Variants in KLHL1 observed in about 807,000 individuals in gnomAD.
KLHL1 encodes the protein kelch-like protein 1.
Under a neutral mutation model 77.7 loss-of-function variants are expected in KLHL1, and 47 were observed. The observed-to-expected ratio is 0.60, with a 90% CI of 0.48 to 0.77. The LOEUF (loss-of-function observed/expected upper bound fraction) is 0.77. Among genes scored for constraint, KLHL1 ranks in the 30% least tolerant of loss-of-function variants. The probability of loss-of-function intolerance (pLI) is 0.00; values close to 1 mark genes in which losing one functional copy is unlikely to be tolerated. For missense variants in KLHL1, 925 were observed against 910.8 expected, an observed-to-expected ratio of 1.02 and a Z score of -0.20; for synonymous variants, 360 against 325.2, an observed-to-expected ratio of 1.11 and a Z score of -1.15.
chr13:69,838,580 G>T (rs1879120417), intron 6 of KLHL1, among the ~76,000 whole-genome samples: 1 of 151,312 alleles, frequency 6.6e-6, no homozygotes, highest in African/African-American at 2.4e-5. Context: ...TATTTATCTG[G>T]CTTCTACATG....
intron 1 of KLHL1, among the ~76,000 whole-genome samples, chr13:70,099,806 G>T (rs868452073): frequency 6.6e-6 from 1 of 151,694 alleles, no homozygotes; most frequent in Admixed American, 6.6e-5. Flanking sequence ...GTTAAACTAA[G>T]GTTTAATTAA....
chr13:69,900,143 GT>G (rs1881804705), intron 4 of KLHL1, among the ~76,000 whole-genome samples: 1 of 152,110 alleles, frequency 6.6e-6, no homozygotes, highest in African/African-American at 2.4e-5. Flanking sequence ...CTGGATATGG[GT>G]TTGCCTCTAT....
At chr13:69,817,219 A>T (rs1057149186) in intron 6 of KLHL1, among the ~76,000 whole-genome samples, 2 of 152,128 alleles carry the variant, frequency 1.3e-5, no homozygotes, top group Non-Finnish European at 2.9e-5. Flanking sequence ...TAATATGTGA[A>T]TTTTTCTAGC....
intron 7 of KLHL1, among the ~76,000 whole-genome samples, chr13:69,771,652 T>A (rs1256073839): frequency 6.6e-6 from 1 of 152,218 alleles, no homozygotes; most frequent in Non-Finnish European, 1.5e-5. Flanking sequence ...ATATTCTTTT[T>A]TCCTTTACTG....
chr13:70,019,490 G>T (rs1829457088), intron 1 of KLHL1, among the ~76,000 whole-genome samples: 1 of 152,012 alleles, frequency 6.6e-6, no homozygotes, highest in African/African-American at 2.4e-5. Context: ...GCTAGTGGGA[G>T]GGCAGAGGCT....
chr13:69,917,058 C>T (rs187554575), intron 4 of KLHL1, among the ~76,000 whole-genome samples: 93 of 151,800 alleles, frequency 6.1e-4, no homozygotes, highest in African/African-American at 2.0e-3. Flanking sequence ...CACATGTGTA[C>T]GTGTAAGTGT....
chr13:69,998,916 C>T (rs1215735974), intron 1 of KLHL1, among the ~76,000 whole-genome samples: 2 of 151,894 alleles, frequency 1.3e-5, no homozygotes, highest in African/African-American at 4.8e-5. Context: ...TGGCTTTAAT[C>T]TGGGGGATGC....
chr13:69,882,336 T>C lies in KLHL1; in HGVS notation c.1174A>G (p.Asn392Asp). The stretch of plus-strand genomic sequence containing the variant: ...AAGGCAAGAAGCATGCTCAGGTCAT[T>C]GCATCTACTCTGCATGTCATACTTG... ...WVKYDMQSRC[N>D]DLSMLLAFIR... Residue 392 changes from asparagine to aspartate, a missense_variant, in exon 5 of 11, where the codon AAT (asparagine) becomes GAT (aspartate). Asn to Asp is a conservative substitution (Grantham distance 23). Transcript: ENST00000377844. The C allele has an allele frequency of 6.2e-7, 1 of 1,614,040 alleles. No individual in the cohort carries two copies. The highest frequency in any genetic ancestry group is 8.5e-7 in the Non-Finnish European group (1 of 1,179,932).
rs1159638914 is a variant in KLHL1 at position 69,956,006 on chromosome 13, TATATATATTTG to T, written c.817+5291_817+5301del. ...TTTATATATTTATTTGATATATATTTATATATATTTGATATATATTTATATATATTTATATA... is the reference window on the plus strand; with the variant it reads ...TTTATATATTTATTTGATATATATTTATATATATTTATATATATTTATATA... On this transcript the variant is annotated intron_variant, in intron 3 of 10. Transcript: ENST00000377844. 1.0e-4 allele frequency among the ~76,000 whole-genome samples: 12 copies of T among 117,214 alleles called. 1 individual carries two copies. Among genetic ancestry groups the T allele is most frequent in the Non-Finnish European group, 1.9e-5 (1 of 51,818 alleles). The allele number at this position is 117,214 out of a possible 152,430, so 76.9% of individuals were successfully genotyped here. A position where few individuals can be genotyped will look rare whatever the true frequency, so the allele number is the denominator to read the frequency against.
chr13:70,041,521 G>A (rs1369837286), intron 1 of KLHL1, among the ~76,000 whole-genome samples: 1 of 152,154 alleles, frequency 6.6e-6, no homozygotes, highest in Admixed American at 6.5e-5. Flanking sequence ...GGGGTAAAGT[G>A]GGAGTTCAGG....
chr13:70,086,578 AAAAAAAAAAAAAAAAGAAAGAAAGAAAG>A (rs1887541844), intron 1 of KLHL1, among the ~76,000 whole-genome samples: 1 of 40,708 alleles, frequency 2.5e-5, no homozygotes, highest in East Asian at 1.1e-3. Flanking sequence ...GTCTCAAAAA[AAAAAAAAAAAAAAAAGAAAGAAAGAAAG>A]AAAGAAAGAA....
intron 6 of KLHL1, among the ~76,000 whole-genome samples, chr13:69,814,640 CA>C (rs1878042760): frequency 6.6e-6 from 1 of 152,090 alleles, no homozygotes. Flanking sequence ...AAATACTCAA[CA>C]TCACTAATCA....
intron 5 of KLHL1, among the ~76,000 whole-genome samples, chr13:69,853,229 G>C (rs1043307310): frequency 2.6e-5 from 4 of 151,986 alleles, no homozygotes; most frequent in African/African-American, 9.7e-5. Context: ...GAGGGACCCA[G>C]TGGGAAGTAG....
At chr13:69,833,894 C>G (rs1028266629) in intron 6 of KLHL1, among the ~76,000 whole-genome samples, 3 of 151,092 alleles carry the variant, frequency 2.0e-5, no homozygotes, top group Non-Finnish European at 4.4e-5. Context: ...CCATGGAATA[C>G]TACTCAACCA....
chr13:69,997,608 T>A (rs1338494276), intron 1 of KLHL1, among the ~76,000 whole-genome samples: 1 of 150,184 alleles, frequency 6.7e-6, no homozygotes, highest in African/African-American at 2.4e-5. Context: ...GTCTTCCAGA[T>A]TCATCTATGT....
intron 2 of KLHL1, among the ~76,000 whole-genome samples, chr13:69,974,837 CTG>C (rs1255611503): frequency 2.6e-5 from 4 of 152,046 alleles, no homozygotes; most frequent in East Asian, 1.9e-4. Context: ...ATAATAATGA[CTG>C]TGAATTCTCT....
chr13:69,861,503 C>T (rs1880157427), intron 5 of KLHL1, among the ~76,000 whole-genome samples: 2 of 151,968 alleles, frequency 1.3e-5, no homozygotes, highest in Non-Finnish European at 2.9e-5. Context: ...AAAATAACAT[C>T]AGTGACTTCC....
chr13:69,863,351 C>A (rs2325247), intron 5 of KLHL1, among the ~76,000 whole-genome samples: 48,086 of 151,266 alleles, frequency 0.32, 8,129 homozygotes, highest in African/African-American at 0.45. Context: ...ATAGAAAGCT[C>A]TAAATACAAA....
intron 4 of KLHL1, among the ~76,000 whole-genome samples, chr13:69,920,916 A>C (rs537342256): frequency 6.6e-6 from 1 of 152,348 alleles, no homozygotes; most frequent in East Asian, 1.9e-4. Flanking sequence ...ATACATAAGC[A>C]GTCATAAATG....
Sources: gnomAD v4.1 joint callset for allele counts (sites outside exome capture counted in the v4.1 genomes callset) on GRCh38, gnomAD v4.1.1 for gene constraint, MANE v1.5 for transcripts, NCBI Gene and HGNC (gene_info 2026-07-23, HGNC 2026-07-21) for gene names.